MACROD2: variants seen among roughly 807,000 people sequenced by gnomAD.
The protein encoded by MACROD2 is mono-ADP ribosylhydrolase 2.
A neutral mutation model predicts 70.4 loss-of-function variants in MACROD2; 36 were observed. That is an observed-to-expected ratio of 0.51 (90% CI 0.39 to 0.68). The LOEUF is 0.68. Among genes scored for constraint, MACROD2 ranks in the 30% least tolerant of loss-of-function variants. MACROD2 has a pLI of 0.00. For synonymous variants in MACROD2, 172 were observed against 178.8 expected, an observed-to-expected ratio of 0.96 and a Z score of 0.30; for missense variants, 496 against 538.4, an observed-to-expected ratio of 0.92 and a Z score of 0.78.
intron 5 of MACROD2, among the ~76,000 whole-genome samples, chr20:14,878,475 A>C (rs745822464): frequency 1.3e-5 from 2 of 152,148 alleles, no homozygotes; most frequent in African/African-American, 2.4e-5. Context: ...AAGTAAAACT[A>C]TAAGAATTAT....
chr20:15,984,567 A>T (rs754644944), intron 13 of MACROD2, among the ~76,000 whole-genome samples: 9 of 152,052 alleles, frequency 5.9e-5, no homozygotes, highest in Non-Finnish European at 1.0e-4. Flanking sequence ...TTCTTTAAAC[A>T]ACTAGTTAAT....
At chr20:14,874,056 T>A (rs1568847969) in intron 5 of MACROD2, among the ~76,000 whole-genome samples, 1 of 152,128 alleles carries the variant, frequency 6.6e-6, no homozygotes, top group Non-Finnish European at 1.5e-5. Context: ...TTAGGCCAGA[T>A]AATAATATTG....
intron 3 of MACROD2, among the ~76,000 whole-genome samples, chr20:14,366,120 T>C (rs1213377133): frequency 6.6e-6 from 1 of 152,112 alleles, no homozygotes; most frequent in East Asian, 1.9e-4. Flanking sequence ...ATGTAGTCTG[T>C]TTATAGTGTT....
chr20:15,519,134 T>C (rs1460579343), intron 8 of MACROD2, among the ~76,000 whole-genome samples: 2 of 150,006 alleles, frequency 1.3e-5, no homozygotes, highest in Non-Finnish European at 3.0e-5. Flanking sequence ...TTTCTTTCTT[T>C]TTCTCTTGCT....
chr20:15,518,232 C>G (rs544677209), intron 8 of MACROD2, among the ~76,000 whole-genome samples: 1 of 152,314 alleles, frequency 6.6e-6, no homozygotes, highest in African/African-American at 2.4e-5. Context: ...TTCTCGAGGT[C>G]AGATTCATGC....
At chr20:15,838,010 T>C (rs2064132752) in intron 8 of MACROD2, among the ~76,000 whole-genome samples, 1 of 152,134 alleles carries the variant, frequency 6.6e-6, no homozygotes, top group Non-Finnish European at 1.5e-5. Context: ...AACTATCACC[T>C]TACCCCAGTG....
intron 15 of MACROD2, among the ~76,000 whole-genome samples, chr20:16,003,825 C>A (rs1218759149): frequency 6.6e-6 from 1 of 152,170 alleles, no homozygotes; most frequent in African/African-American, 2.4e-5. Context: ...CAAGCACCAC[C>A]ACGCCCGGCT....
intron 15 of MACROD2, among the ~76,000 whole-genome samples, chr20:16,024,497 T>TCA (rs145103665): frequency 2.4e-3 from 369 of 150,762 alleles, no homozygotes; most frequent in Non-Finnish European, 3.4e-3. Flanking sequence ...GCAGCCATGT[T>TCA]CACACACACA....
At chr20:15,529,972 T>C (rs1202811539) in intron 8 of MACROD2, among the ~76,000 whole-genome samples, 1 of 152,080 alleles carries the variant, frequency 6.6e-6, no homozygotes, top group Non-Finnish European at 1.5e-5. Context: ...TAGAAGAAAT[T>C]TGAGTGAGGA....
chr20:15,525,110 T>C (rs1342603246), intron 8 of MACROD2, among the ~76,000 whole-genome samples: 1 of 152,244 alleles, frequency 6.6e-6, no homozygotes, highest in Non-Finnish European at 1.5e-5. Context: ...CATTCGGCCA[T>C]TTCCAGGTGC....
intron 5 of MACROD2, among the ~76,000 whole-genome samples, chr20:15,149,130 C>T (rs2076250960): frequency 1.3e-5 from 2 of 151,968 alleles, no homozygotes; most frequent in South Asian, 4.1e-4. Flanking sequence ...GCTAATTTGC[C>T]AGTCCTGGGT....
At chr20:14,222,337 G>A (rs945802485) in intron 3 of MACROD2, among the ~76,000 whole-genome samples, 11 of 152,108 alleles carry the variant, frequency 7.2e-5, no homozygotes, top group Admixed American at 2.6e-4. Context: ...CTTTTGTAGC[G>A]ACATGGATAG....
chr20:15,888,452 G>A (rs185347652), intron 10 of MACROD2, among the ~76,000 whole-genome samples: 21 of 152,164 alleles, frequency 1.4e-4, no homozygotes, highest in Admixed American at 9.2e-4. Context: ...GCCTTATCTC[G>A]CCATGGATCA....
chr20:14,463,632 C>T (rs183596245), intron 3 of MACROD2, among the ~76,000 whole-genome samples: 2 of 152,162 alleles, frequency 1.3e-5, no homozygotes, highest in East Asian at 3.9e-4. Context: ...GGGAATACTT[C>T]CAGTTTTTGC....
At position 15,967,637 on chromosome 20, in the gene MACROD2, T is replaced by C; in HGVS notation, c.985+7T>C. 1 of 1,567,986 alleles carries C rather than the reference T, an allele frequency of 6.4e-7. No homozygotes were observed. The highest frequency in any genetic ancestry group is 1.2e-5 in the South Asian group (1 of 82,854). On this transcript the variant is annotated splice_region_variant and intron_variant, in intron 13 of 17. Coordinates refer to ENST00000684519, the MANE Select transcript of MACROD2 (RefSeq NM_001351661.2). ...GACCAAGATCATCCCGATGGTAGGTTGTGAAATCCTTTATTAGATTTTCTT... is the reference window on the plus strand; with the variant it reads ...GACCAAGATCATCCCGATGGTAGGTCGTGAAATCCTTTATTAGATTTTCTT...
chr20:14,855,571 A>T (rs936724135), intron 5 of MACROD2, among the ~76,000 whole-genome samples: 2 of 144,680 alleles, frequency 1.4e-5, no homozygotes, highest in Non-Finnish European at 3.0e-5. Flanking sequence ...TTGGGGAAGA[A>T]TTCAGAATTT....
At chr20:15,519,112 TTCCTTC>T (rs1568863475) in intron 8 of MACROD2, among the ~76,000 whole-genome samples, 12 of 144,610 alleles carry the variant, frequency 8.3e-5, no homozygotes, top group African/African-American at 2.7e-4. Context: ...CCTTCCTTCC[TTCCTTC>T]CTTTCTTTCT....
At chr20:15,425,003 C>T (rs2046279166) in intron 6 of MACROD2, among the ~76,000 whole-genome samples, 1 of 152,190 alleles carries the variant, frequency 6.6e-6, no homozygotes, top group Admixed American at 6.5e-5. Flanking sequence ...GTCTGAAACC[C>T]TTTGTTGGAA....
At chr20:15,816,016 C>T (rs2063870213) in intron 8 of MACROD2, among the ~76,000 whole-genome samples, 1 of 151,972 alleles carries the variant, frequency 6.6e-6, no homozygotes, top group African/African-American at 2.4e-5. Flanking sequence ...ATCTCTCCGT[C>T]TCCCTCTGCG....
Sources: gnomAD v4.1 joint callset for allele counts (sites outside exome capture counted in the v4.1 genomes callset) on GRCh38, gnomAD v4.1.1 for gene constraint, MANE v1.5 for transcripts, NCBI Gene and HGNC (gene_info 2026-07-23, HGNC 2026-07-21) for gene names.